Variants in BMPR2 observed in about 807,000 individuals in gnomAD.
BMPR2 encodes the protein bone morphogenetic protein receptor type 2, also known as bone morphogenetic protein receptor type-2.
Under a neutral mutation model 100.8 loss-of-function variants are expected in BMPR2, and 29 were observed. The ratio of observed to expected loss-of-function variants is 0.29; its 90% CI spans 0.21 to 0.39. The LOEUF is 0.39. Among genes scored for constraint, BMPR2 ranks in the 10% least tolerant of loss-of-function variants. The probability of loss-of-function intolerance (pLI) is 1.00; values close to 1 mark genes in which losing one functional copy is unlikely to be tolerated. For missense variants in BMPR2, 1,011 were observed against 1,274.5 expected (o/e 0.79, Z 3.15); for synonymous variants, 382 against 442.3 (o/e 0.86, Z 1.71).
chr2:202,556,634 C>A, intron 12 of BMPR2, 103 bp downstream of exon 12: 1 of 1,353,908 alleles, frequency 7.4e-7, no homozygotes, highest in Non-Finnish European at 1.0e-6. Context: ...TGATTATTTA[C>A]CTTTACCACT....
At chr2:202,471,824 A>G (rs1423244166) in intron 3 of BMPR2, among the ~76,000 whole-genome samples, 1 of 152,188 alleles carries the variant, frequency 6.6e-6, no homozygotes, top group Non-Finnish European at 1.5e-5. Context: ...TGGTTTTATA[A>G]GAGAATAACC....
chr2:202,420,537 ATTTTTTTTT>A (rs10555458), intron 1 of BMPR2, among the ~76,000 whole-genome samples: 20 of 58,980 alleles, frequency 3.4e-4, no homozygotes, highest in Non-Finnish European at 5.1e-4. Context: ...TAGAAGCATG[ATTTTTTTTT>A]TTTTTTTTTT....
intron 1 of BMPR2, among the ~76,000 whole-genome samples, chr2:202,418,518 C>T (rs1417438904): frequency 6.6e-6 from 1 of 152,122 alleles, no homozygotes; most frequent in African/African-American, 2.4e-5. Context: ...AACATGTGTC[C>T]AAGGTGCTTG....
At chr2:202,393,008 AAAGTT>A (rs1378448855) in intron 1 of BMPR2, among the ~76,000 whole-genome samples, 4 of 150,462 alleles carry the variant, frequency 2.7e-5, no homozygotes. Flanking sequence ...AAAAAAAAAA[AAAGTT>A]AAGGGAGCAT....
rs746588482 is a variant in BMPR2 at position 202,556,385 on chromosome 2, G to A, written c.2720G>A (p.Ser907Asn). ...GGRTNSNNNN[S>N]NPCSEQDVLA... ...CGAACTAATTCCAATAACAACAACA[G>A]CAATCCATGTTCAGAACAAGATGTT... Residue 907 changes from serine to asparagine, a missense_variant, in exon 12 of 13, where the codon AGC becomes AAC. Physicochemically the swap from Ser to Asn is conservative, Grantham distance 46. Transcript: ENST00000374580. 8 of 1,614,060 alleles carry A rather than the reference G, an allele frequency of 5.0e-6. No homozygotes were observed.
In BMPR2 at chr2:202,435,376, CATATATATAT is replaced by C. The variant is rs141854934; in HGVS notation, c.77-29410_77-29401del. ...CAGATCCTGTCTCAAAAAAAAAATA[CATATATATAT>C]ATATATATATATATATATATATGTT... On this transcript the variant is annotated intron_variant, in intron 1 of 12. Transcript: ENST00000374580. Among the ~76,000 whole-genome samples the C allele has an allele frequency of 8.4e-3, 868 of 103,426 alleles. 11 individuals carry two copies. The highest frequency in any genetic ancestry group is 0.015 in the Middle Eastern group (3 of 198). The allele number at this position is 103,426 out of a possible 152,430, so 67.9% of individuals were successfully genotyped here.
chr2:202,494,999 G>C, intron 3 of BMPR2, among the ~76,000 whole-genome samples: 1 of 152,178 alleles, frequency 6.6e-6, no homozygotes, highest in South Asian at 2.1e-4. Context: ...AGACCTCTAG[G>C]GGACCATACA....
chr2:202,392,676 T>C (rs935783649), intron 1 of BMPR2, among the ~76,000 whole-genome samples: 4 of 152,122 alleles, frequency 2.6e-5, no homozygotes, highest in African/African-American at 9.6e-5. Flanking sequence ...TGTAGTTGTT[T>C]GAGTTTCTAG....
chr2:202,513,131 A>AT lies in BMPR2; in HGVS notation c.419-577dup, dbSNP rs919058800. ...AGGTGCATGCCACCATGCCTGACTA[A>AT]TTTTTTTTTTTAATTTGTTTTAATG... is the stretch of plus-strand genomic sequence containing the variant. On this transcript the variant is annotated intron_variant, in intron 3 of 12. Transcript: ENST00000374580. 1.7e-4 allele frequency among the ~76,000 whole-genome samples: 25 copies of AT among 147,420 alleles called. No homozygotes were observed. In the South Asian group the frequency reaches 2.4e-3, roughly 14 times the overall value.
intron 1 of BMPR2, among the ~76,000 whole-genome samples, chr2:202,380,742 C>G (rs1229994000): frequency 4.0e-5 from 6 of 151,214 alleles, no homozygotes; most frequent in Non-Finnish European, 7.4e-5. Context: ...GCCTCAGCCT[C>G]TCGGGTAGCT....
chr2:202,502,686 G>A (rs1055091881), intron 3 of BMPR2, among the ~76,000 whole-genome samples: 5 of 152,170 alleles, frequency 3.3e-5, no homozygotes, highest in Non-Finnish European at 4.4e-5. Context: ...CAAAACCGCC[G>A]AGGCCTAGAC....
chr2:202,527,257 G>A (rs1280708840), intron 7 of BMPR2, among the ~76,000 whole-genome samples: 2 of 152,236 alleles, frequency 1.3e-5, no homozygotes, highest in East Asian at 3.9e-4. Flanking sequence ...GGAGGCCGAG[G>A]TGGGTGGATC....
chr2:202,489,873 C>G (rs952653290), intron 3 of BMPR2, among the ~76,000 whole-genome samples: 1 of 152,182 alleles, frequency 6.6e-6, no homozygotes, highest in African/African-American at 2.4e-5. Context: ...TCAGCTGTTG[C>G]TGATAATACT....
At chr2:202,437,270 C>T (rs1279397938) in intron 1 of BMPR2, among the ~76,000 whole-genome samples, 1 of 150,654 alleles carries the variant, frequency 6.6e-6, no homozygotes, top group Non-Finnish European at 1.5e-5. Flanking sequence ...TTCCAAAGTG[C>T]TGGGATTACA....
chr2:202,532,568 T>G lies in BMPR2; in HGVS notation c.1129-17T>G. On this transcript the variant is annotated splice_polypyrimidine_tract_variant and intron_variant, in intron 8 of 12. Transcript: ENST00000374580. This position sits in a 1 kb window ranked among gnomAD's most constrained non-coding sequence, Gnocchi z 4.1. ...TGCTACGTTCTCTCTCTAAAAAATA[T>G]CACTCTAATTTATCAGGTTGGCACT... is the stretch of plus-strand genomic sequence containing the variant. The G allele has an allele frequency of 6.2e-7, 1 of 1,613,268 alleles. No individual in the cohort carries two copies. The highest frequency in any genetic ancestry group is 8.5e-7 in the Non-Finnish European group (1 of 1,179,352).
intron 1 of BMPR2, among the ~76,000 whole-genome samples, chr2:202,404,993 T>C (rs1430912754): frequency 6.6e-6 from 1 of 151,892 alleles, no homozygotes; most frequent in East Asian, 1.9e-4. Context: ...CAGGTACTTT[T>C]TAAATTTTTT....
chr2:202,467,593 A>T lies in BMPR2; in HGVS notation c.322A>T (p.Ile108Phe). The T allele has an allele frequency of 6.3e-7, 1 of 1,593,316 alleles. No homozygotes were observed. The change falls in exon 3 of 13, where the codon ATT becomes TTT. Residue 108 changes from isoleucine to phenylalanine, a missense_variant. Around this residue, in one of 6 missense-constraint regions of BMPR2, gnomAD observed 355 missense variants for 455.3 expected, o/e 0.78. Coordinates refer to ENST00000374580, the MANE Select transcript of BMPR2 (RefSeq NM_001204.7). ...ECVVTTTPPS[I>F]QNGTYRFCCC... The stretch of plus-strand genomic sequence containing the variant: ...TGTAGTAACTACCACTCCTCCCTCA[A>T]TTCAGAATGGAACATACCGTTTCTG...
rs1321241953 is a variant in BMPR2 at position 202,562,786 on chromosome 2, C to CA, written c.*2845dup. The CA allele has an allele frequency of 1.3e-5, 2 of 150,562 alleles. No homozygotes were observed. The highest frequency in any genetic ancestry group is 3.0e-5 in the Non-Finnish European group (2 of 67,740). 9.3% of individuals were successfully genotyped at this position (150,562 alleles called of 1,614,324 possible). ...GAACTTGATTTGAATTACGTTTAGA[C>CA]AAAAATGATTTAATTGTAAATTCTT... On this transcript the variant is annotated 3_prime_UTR_variant, in exon 13 of 13. Transcript: ENST00000374580.
intron 9 of BMPR2, among the ~76,000 whole-genome samples, chr2:202,538,509 G>A (rs1001517729): frequency 2.7e-5 from 4 of 149,654 alleles, no homozygotes; most frequent in African/African-American, 9.9e-5. Flanking sequence ...CAGTGAGGGT[G>A]GGCCAGGCAC....
Sources: allele counts gnomAD v4.1 joint callset (sites outside exome capture counted in the v4.1 genomes callset), GRCh38; gene constraint gnomAD v4.1.1; regional missense constraint gnomAD v4.1.1; non-coding constraint Gnocchi (gnomAD v3.1); transcripts MANE v1.5; gene names NCBI Gene and HGNC (gene_info 2026-07-23, HGNC 2026-07-21).